ACOXL: variants seen among roughly 807,000 people sequenced by gnomAD.
ACOXL encodes acyl-CoA oxidase like.
Under a neutral mutation model 71.9 loss-of-function variants are expected in ACOXL, and 70 were observed. The observed-to-expected ratio is 0.97, with a 90% confidence interval of 0.80 to 1.19. The LOEUF (loss-of-function observed/expected upper bound fraction) is 1.19. ACOXL is among the 50% of genes most tolerant of loss of function. The probability of loss-of-function intolerance (pLI) is 0.00; values close to 1 mark genes in which losing one functional copy is unlikely to be tolerated. For synonymous variants in ACOXL, 253 were observed against 281.6 expected, an observed-to-expected ratio of 0.90 and a Z score of 1.02; for missense variants, 703 against 736.3, an observed-to-expected ratio of 0.95 and a Z score of 0.52.
chr2:111,007,267 C>T (rs1010729655), intron 14 of ACOXL, among the ~76,000 whole-genome samples: 5 of 152,184 alleles, frequency 3.3e-5, no homozygotes, highest in Non-Finnish European at 5.9e-5. Flanking sequence ...TATTTTTCCT[C>T]AAACTTTCAC....
chr2:111,060,605 C>A (rs373958702), intron 16 of ACOXL, among the ~76,000 whole-genome samples: 13 of 152,158 alleles, frequency 8.5e-5, no homozygotes, highest in South Asian at 8.3e-4. Context: ...AGTTTTCAAT[C>A]AAAAAATCAC....
chr2:110,987,189 G>C lies in ACOXL; in HGVS notation c.1141G>C (p.Glu381Gln), dbSNP rs371711820. 68 of 1,576,790 alleles carry C rather than the reference G, an allele frequency of 4.3e-5. No homozygotes were observed. Among genetic ancestry groups the C allele is most frequent in the Non-Finnish European group, 5.6e-5 (65 of 1,158,236 alleles). ...CTTTGGCCTGCTCCAAAACTGGGCT[G>C]AATCTGTGGGGGACAAGCTGAGAAC... ...PLFGLLQNWA[E>Q]SVGDKLRTSF... is the part of the protein sequence containing the mutation. The change falls in exon 13 of 18, where the codon GAA (glutamate) becomes CAA (glutamine). Residue 381 changes from glutamate to glutamine, a missense_variant. Transcript: ENST00000439055.
At chr2:110,927,087 C>T (rs1358757591) in intron 11 of ACOXL, among the ~76,000 whole-genome samples, 1 of 152,166 alleles carries the variant, frequency 6.6e-6, no homozygotes, top group Non-Finnish European at 1.5e-5. Flanking sequence ...AACTTACAAT[C>T]ATGGTGGAAG....
chr2:111,101,074 G>T (rs2069123154), intron 17 of ACOXL: 1 of 152,686 alleles, frequency 6.5e-6, no homozygotes, highest in Non-Finnish European at 1.5e-5. Flanking sequence ...CTCAGGAGAT[G>T]TGGCTTGGAG....
chr2:110,783,861 A>G (rs941756163), intron 2 of ACOXL, among the ~76,000 whole-genome samples: 1 of 152,196 alleles, frequency 6.6e-6, no homozygotes, highest in African/African-American at 2.4e-5. Context: ...ATCACCTTCT[A>G]AGAAAATGCT....
chr2:110,849,465 CA>C (rs1241434447), intron 10 of ACOXL, among the ~76,000 whole-genome samples: 3 of 152,148 alleles, frequency 2.0e-5, no homozygotes, highest in African/African-American at 7.2e-5. Context: ...TATGGAAAGG[CA>C]AAAGACCTAG....
intron 9 of ACOXL, among the ~76,000 whole-genome samples, chr2:110,835,187 A>G (rs1447554920): frequency 6.6e-6 from 1 of 152,222 alleles, no homozygotes; most frequent in Non-Finnish European, 1.5e-5. Flanking sequence ...GCAAATCTGG[A>G]AAGAGCCTAC....
At chr2:110,809,420 G>A (rs1687050402) in intron 9 of ACOXL, among the ~76,000 whole-genome samples, 1 of 152,222 alleles carries the variant, frequency 6.6e-6, no homozygotes, top group Non-Finnish European at 1.5e-5. Flanking sequence ...GCACGTGGGT[G>A]CTGGGCGGCA....
At chr2:111,062,162 G>T (rs2066848988) in intron 16 of ACOXL, among the ~76,000 whole-genome samples, 1 of 151,916 alleles carries the variant, frequency 6.6e-6, no homozygotes, top group Admixed American at 6.5e-5. Flanking sequence ...TTAAAAGATA[G>T]CAAGAGCGGC....
At chr2:110,919,626 C>G (rs1434398665) in intron 11 of ACOXL, among the ~76,000 whole-genome samples, 1 of 152,026 alleles carries the variant, frequency 6.6e-6, no homozygotes, top group Non-Finnish European at 1.5e-5. Flanking sequence ...CAGAGTTGTT[C>G]CATTCAGTAT....
chr2:110,917,789 G>T (rs1261630168), intron 11 of ACOXL, among the ~76,000 whole-genome samples: 1 of 152,156 alleles, frequency 6.6e-6, no homozygotes, highest in Non-Finnish European at 1.5e-5. Context: ...AATCATGAGT[G>T]AACTCCTATT....
At chr2:111,066,855 G>T (rs908385039) in intron 16 of ACOXL, among the ~76,000 whole-genome samples, 1 of 151,970 alleles carries the variant, frequency 6.6e-6, no homozygotes, top group Non-Finnish European at 1.5e-5. Flanking sequence ...TACATTTTAC[G>T]CATGATATGA....
At chr2:111,000,057 A>G (rs2063552650) in intron 14 of ACOXL, among the ~76,000 whole-genome samples, 1 of 152,134 alleles carries the variant, frequency 6.6e-6, no homozygotes, top group Non-Finnish European at 1.5e-5. Context: ...CCTAAATGGG[A>G]GTGTGGGTTT....
At chr2:110,950,202 CT>C (rs1184182336) in intron 12 of ACOXL, among the ~76,000 whole-genome samples, 1 of 151,970 alleles carries the variant, frequency 6.6e-6, no homozygotes, top group East Asian at 1.9e-4. Flanking sequence ...ACCAGCATGT[CT>C]TTTGATGTTA....
chr2:111,001,546 G>C (rs2063630030), intron 14 of ACOXL, among the ~76,000 whole-genome samples: 2 of 152,180 alleles, frequency 1.3e-5, no homozygotes, highest in Non-Finnish European at 2.9e-5. Flanking sequence ...ATAGGACTGT[G>C]CCCTTATTAA....
intron 10 of ACOXL, among the ~76,000 whole-genome samples, chr2:110,857,837 C>G (rs1693450981): frequency 6.6e-6 from 1 of 152,114 alleles, no homozygotes; most frequent in Non-Finnish European, 1.5e-5. Context: ...GCCATCCTCT[C>G]ACCTCAGCCT....
At chr2:110,943,063 A>AGGAAGAAAGAAAAG (rs772884719) in intron 12 of ACOXL, among the ~76,000 whole-genome samples, 1,584 of 138,602 alleles carry the variant, frequency 0.011, 41 homozygotes, top group African/African-American at 0.041. Context: ...AAGAAAAGGA[A>AGGAAGAAAGAAAAG]GAAGGAAGGA....
intron 12 of ACOXL, among the ~76,000 whole-genome samples, chr2:110,962,911 A>T (rs2061757608): frequency 6.6e-6 from 1 of 152,172 alleles, no homozygotes; most frequent in Admixed American, 6.5e-5. Flanking sequence ...AAAGAGCTGG[A>T]AGAAGGAGGT....
In ACOXL at chr2:110,935,858, T is replaced by TG. The variant is rs1159694797; in HGVS notation, c.1059+2222dup. Reference sequence around the variant, plus strand: ...ATTTTTCCATGGATGGTTTTGGGGGTGGGGGGTGCGGGGTAGGGGAGATGT... The same window carrying TG: ...ATTTTTCCATGGATGGTTTTGGGGGTGGGGGGGTGCGGGGTAGGGGAGATGT... On this transcript the variant is annotated intron_variant, in intron 12 of 17. Transcript: ENST00000439055. Among the ~76,000 whole-genome samples the TG allele has an allele frequency of 5.4e-4, 42 of 77,318 alleles. No individual in the cohort carries two copies. The East Asian group carries it at 9.0e-3, about 17-fold the overall frequency. 50.7% of individuals were successfully genotyped at this position (77,318 alleles called of 152,430 possible). A position where few individuals can be genotyped will look rare whatever the true frequency, so the allele number is the denominator to read the frequency against.
Sources: allele counts gnomAD v4.1 joint callset (sites outside exome capture counted in the v4.1 genomes callset), GRCh38; gene constraint gnomAD v4.1.1; transcripts MANE v1.5; gene names NCBI Gene and HGNC (gene_info 2026-07-23, HGNC 2026-07-21).